SPAST: variants seen among roughly 807,000 people sequenced by gnomAD.
The protein encoded by SPAST is spastin.
In SPAST, 30 loss-of-function variants were observed where a neutral mutation model predicts 76.6. That is an observed-to-expected ratio of 0.39 (90% CI 0.29 to 0.53). The LOEUF (loss-of-function observed/expected upper bound fraction) is 0.53, where lower values mean the gene tolerates loss of function less well. SPAST is among the 20% of genes least tolerant of loss of function. SPAST has a pLI of 0.68. For synonymous variants in SPAST, 305 were observed against 281.0 expected, an observed-to-expected ratio of 1.09 and a Z score of -0.86; for missense variants, 717 against 770.5, an observed-to-expected ratio of 0.93 and a Z score of 0.82.
chr2:32,083,984 G>A (rs2148706041), intron 1 of SPAST, among the ~76,000 whole-genome samples: 1 of 150,068 alleles, frequency 6.7e-6, no homozygotes. Flanking sequence ...TCGCCATGTT[G>A]TCCAGGCTGG....
chr2:32,145,103 T>C, intron 15 of SPAST, 96 bp downstream of exon 15: 1 of 879,766 alleles, frequency 1.1e-6, no homozygotes, highest in Non-Finnish European at 1.8e-6. Context: ...ATTTTTTTTT[T>C]CTTTTGGAGA....
In SPAST at chr2:32,133,433, C is replaced by G. The variant is rs1006583044; in HGVS notation, c.1246-3130C>G. Among the ~76,000 whole-genome samples the G allele has an allele frequency of 4.1e-4, 63 of 152,160 alleles. 1 individual carries two copies. Among genetic ancestry groups the G allele is most frequent in the African/African-American group, 1.4e-3 (60 of 41,432 alleles). ...CACTCACTCCTCTCCCTCAAAACCACTAGACTACTAACATCATAGACAAAG... is the reference window on the plus strand; with the variant it reads ...CACTCACTCCTCTCCCTCAAAACCAGTAGACTACTAACATCATAGACAAAG... On this transcript the variant is annotated intron_variant, in intron 9 of 16. Coordinates refer to ENST00000315285, the MANE Select transcript of SPAST (RefSeq NM_014946.4).
chr2:32,094,241 C>T (rs779297692), intron 3 of SPAST, among the ~76,000 whole-genome samples: 19 of 151,960 alleles, frequency 1.3e-4, no homozygotes, highest in Admixed American at 3.3e-4. Flanking sequence ...TTTTTTGAGA[C>T]GGAGTCTTGC....
rs1558319608 is a variant in SPAST at position 32,110,520 on chromosome 2, CTATATAGTGTGTATATATAGTATATATA to C, written c.683-4115_683-4088del. ...ATATAGTATATATAGTATATATATACTATATAGTGTGTATATATAGTATATATATACTATATAGTGTGTATATATAGTA... is the reference window on the plus strand; with the variant it reads ...ATATAGTATATATAGTATATATATACTACTATATAGTGTGTATATATAGTA... On this transcript the variant is annotated intron_variant, in intron 4 of 16. Transcript: ENST00000315285. Among the ~76,000 whole-genome samples, 7 of 52,768 alleles carry C rather than the reference CTATATAGTGTGTATATATAGTATATATA, an allele frequency of 1.3e-4. No homozygotes were observed. The East Asian group carries it at 8.1e-3, about 61-fold the overall frequency. The allele number at this position is 52,768 out of a possible 152,430, so 34.6% of individuals were successfully genotyped here. A position where few individuals can be genotyped will look rare whatever the true frequency, so the allele number is the denominator to read the frequency against.
Position 32,114,854 on chromosome 2 carries a change from G to C in SPAST, c.870+29G>C, listed in dbSNP as rs1044955405. On this transcript the variant is annotated intron_variant, in intron 5 of 16. Transcript: ENST00000315285. ...TTCTGGGACAGTAACTTTAATTGCT[G>C]TCTTTTTGCAAATAGAAAAATTTTT... 2.5e-6 allele frequency: 4 copies of C among 1,585,226 alleles called. No homozygotes were observed. The African/African-American group carries it at 5.4e-5, about 21-fold the overall frequency.
At chr2:32,143,858 A>C (rs1029972185) in intron 14 of SPAST, among the ~76,000 whole-genome samples, 1 of 152,072 alleles carries the variant, frequency 6.6e-6, no homozygotes, top group Non-Finnish European at 1.5e-5. Context: ...ACAGAGTGAG[A>C]CCCTGTCTCA....
chr2:32,138,157 T>C (rs1679603129), intron 12 of SPAST, among the ~76,000 whole-genome samples: 1 of 152,212 alleles, frequency 6.6e-6, no homozygotes, highest in Non-Finnish European at 1.5e-5. Context: ...AATGATCTAT[T>C]TTCCTTTGGG....
intron 3 of SPAST, among the ~76,000 whole-genome samples, chr2:32,095,855 C>T (rs1677895310): frequency 6.6e-6 from 1 of 152,116 alleles, no homozygotes; most frequent in African/African-American, 2.4e-5. Flanking sequence ...CAGGTTGAGA[C>T]ATGAAGTTGG....
At position 32,156,421 on chromosome 2, in the gene SPAST, C is replaced by T. The variant is rs1680253847; in HGVS notation, c.*1925C>T. On this transcript the variant is annotated 3_prime_UTR_variant, in exon 17 of 17. Coordinates refer to ENST00000315285, the MANE Select transcript of SPAST (RefSeq NM_014946.4). ...TCTTCCAATCATGACTTTGGAACTC[C>T]CTGAATAATAAAAATGAGAGTTGAG... 6.6e-6 allele frequency: 1 copy of T among 151,894 alleles called. No individual in the cohort carries two copies. The highest frequency in any genetic ancestry group is 2.4e-5 in the African/African-American group (1 of 41,312). The allele number at this position is 151,894 out of a possible 1,614,324, so 9.4% of individuals were successfully genotyped here. A position where few individuals can be genotyped will look rare whatever the true frequency, so the allele number is the denominator to read the frequency against.
chr2:32,119,996 C>G (rs1017089476), intron 7 of SPAST, among the ~76,000 whole-genome samples: 3 of 150,368 alleles, frequency 2.0e-5, no homozygotes, highest in African/African-American at 7.3e-5. Flanking sequence ...TCTTCTCTAT[C>G]TACTAAAATT....
rs796283186 is a variant in SPAST, at chr2:32,097,681, CT to C, written c.587-1104del. Among the ~76,000 whole-genome samples the C allele has an allele frequency of 7.4e-3, 1,041 of 141,074 alleles. 12 individuals are homozygous for C. Among genetic ancestry groups the C allele is most frequent in the African/African-American group, 0.024 (924 of 38,534 alleles). 92.6% of individuals were successfully genotyped at this position (141,074 alleles called of 152,430 possible). ...TGCTGTTCTCCTTCCCTGAAATGTC[CT>C]TTTTTTTTTTCTTTTCTTTTTTTTT... On this transcript the variant is annotated intron_variant, in intron 3 of 16. Transcript: ENST00000315285.
intron 3 of SPAST, among the ~76,000 whole-genome samples, chr2:32,095,370 GAAAGA>G (rs1440713608): frequency 6.6e-6 from 1 of 152,114 alleles, no homozygotes; most frequent in Non-Finnish European, 1.5e-5. Flanking sequence ...GCTGGTTAAA[GAAAGA>G]AAAGAAAGCT....
chr2:32,072,147 G>A (rs531062865), intron 1 of SPAST, among the ~76,000 whole-genome samples: 73 of 152,188 alleles, frequency 4.8e-4, no homozygotes, highest in African/African-American at 1.7e-3. Flanking sequence ...TGTTCACGCC[G>A]TTCTCCTGCC....
At chr2:32,075,896 CTTT>C (rs1209272322) in intron 1 of SPAST, among the ~76,000 whole-genome samples, 1 of 81,764 alleles carries the variant, frequency 1.2e-5, no homozygotes. Context: ...TCAAAATGCT[CTTT>C]TTTTTTTTTT....
chr2:32,086,039 CTAAA>C (rs57272659), intron 1 of SPAST, among the ~76,000 whole-genome samples: 60,708 of 150,264 alleles, frequency 0.4, 12,509 homozygotes, highest in East Asian at 0.63. Flanking sequence ...GAGACTCCAT[CTAAA>C]TAAATAAATA....
At chr2:32,140,473 A>G (rs2148757051) in intron 12 of SPAST, among the ~76,000 whole-genome samples, 1 of 152,156 alleles carries the variant, frequency 6.6e-6, no homozygotes. Context: ...AAATACAAAA[A>G]ATTAGCTGGG....
At chr2:32,097,697 T>C (rs2087361356) in intron 3 of SPAST, among the ~76,000 whole-genome samples, 1 of 122,082 alleles carries the variant, frequency 8.2e-6, no homozygotes. Flanking sequence ...TTTTTTCTTT[T>C]CTTTTTTTTT....
At chr2:32,083,772 A>ATT (rs1254717387) in intron 1 of SPAST, among the ~76,000 whole-genome samples, 9 of 51,186 alleles carry the variant, frequency 1.8e-4, no homozygotes, top group African/African-American at 4.4e-4. Flanking sequence ...ATATATATAT[A>ATT]TATATTTTTT....
intron 1 of SPAST, among the ~76,000 whole-genome samples, chr2:32,065,147 G>A (rs529664920): frequency 1.3e-5 from 2 of 152,000 alleles, no homozygotes; most frequent in African/African-American, 2.4e-5. Flanking sequence ...AGCCTCCCGA[G>A]TAGCTGGGAT....
Sources: gnomAD v4.1 joint callset for allele counts (sites outside exome capture counted in the v4.1 genomes callset) on GRCh38, gnomAD v4.1.1 for gene constraint, MANE v1.5 for transcripts, NCBI Gene and HGNC (gene_info 2026-07-23, HGNC 2026-07-21) for gene names.